Variants in RSU1 observed in about 807,000 individuals in gnomAD.
The protein encoded by RSU1 is Ras suppressor protein 1, also known as rsu-1.
A neutral mutation model predicts 31.1 loss-of-function variants in RSU1; 26 were observed. That is an observed-to-expected ratio of 0.84 (90% CI 0.61 to 1.16). The LOEUF (loss-of-function observed/expected upper bound fraction) is 1.16, where lower values mean the gene tolerates loss of function less well. RSU1 is among the 50% of genes most tolerant of loss of function. The pLI, the probability that RSU1 is intolerant of heterozygous loss-of-function variation, is 0.00. For synonymous variants in RSU1, 164 were observed against 136.3 expected (o/e 1.20, Z -1.41); for missense variants, 320 against 339.1 (o/e 0.94, Z 0.44).
chr10:16,807,799 G>C (rs1361837741), intron 2 of RSU1, among the ~76,000 whole-genome samples: 2 of 152,206 alleles, frequency 1.3e-5, no homozygotes, highest in Admixed American at 1.3e-4. Context: ...TGAGGCAGGC[G>C]GATCATGATG....
chr10:16,617,752 A>C (rs1251163801), intron 8 of RSU1, among the ~76,000 whole-genome samples: 2 of 152,236 alleles, frequency 1.3e-5, no homozygotes, highest in African/African-American at 2.4e-5. Flanking sequence ...CTATTTCATT[A>C]ATGGTGCTGT....
intron 2 of RSU1, among the ~76,000 whole-genome samples, chr10:16,788,503 C>T (rs970296492): frequency 5.3e-5 from 8 of 152,180 alleles, no homozygotes; most frequent in African/African-American, 1.9e-4. Context: ...AGAAGGTGGC[C>T]TTCCACAAAT....
intron 3 of RSU1, among the ~76,000 whole-genome samples, chr10:16,776,436 TTGTTA>T (rs760155181): frequency 3.9e-5 from 6 of 152,236 alleles, no homozygotes; most frequent in Non-Finnish European, 8.8e-5. Flanking sequence ...TATTTCTTGT[TTGTTA>T]TAATTCTAAA....
intron 2 of RSU1, among the ~76,000 whole-genome samples, chr10:16,788,541 T>C (rs1288513752): frequency 6.6e-6 from 1 of 152,176 alleles, no homozygotes; most frequent in Non-Finnish European, 1.5e-5. Context: ...CCGGACACAA[T>C]GCATCCGTCA....
At chr10:16,612,435 T>C (rs1303865090) in intron 8 of RSU1, among the ~76,000 whole-genome samples, 1 of 152,176 alleles carries the variant, frequency 6.6e-6, no homozygotes, top group African/African-American at 2.4e-5. Flanking sequence ...GTGCAAACTC[T>C]TTTTGCTCTG....
chr10:16,741,959 G>C (rs1463041348), intron 7 of RSU1, among the ~76,000 whole-genome samples: 1 of 152,116 alleles, frequency 6.6e-6, no homozygotes, highest in Non-Finnish European at 1.5e-5. Context: ...CATTTAACCA[G>C]TGCTCCCCAA....
chr10:16,651,261 T>C (rs1834679994), intron 8 of RSU1, among the ~76,000 whole-genome samples: 1 of 152,228 alleles, frequency 6.6e-6, no homozygotes, highest in African/African-American at 2.4e-5. Flanking sequence ...CTCTTGTTTC[T>C]AGGTTAAAAG....
intron 4 of RSU1, among the ~76,000 whole-genome samples, chr10:16,762,296 A>T (rs74228742): frequency 0.021 from 3,213 of 150,486 alleles, 88 homozygotes; most frequent in East Asian, 0.065. Flanking sequence ...TTGAGATTTT[A>T]TATATATATA....
At chr10:16,725,116 A>C (rs1024761495) in intron 7 of RSU1, among the ~76,000 whole-genome samples, 2 of 152,214 alleles carry the variant, frequency 1.3e-5, no homozygotes, top group Non-Finnish European at 2.9e-5. Context: ...TGGCATGTTG[A>C]TCATTCGCTG....
chr10:16,711,125 TAATTG>T (rs1303939178), intron 7 of RSU1, among the ~76,000 whole-genome samples: 2 of 152,220 alleles, frequency 1.3e-5, no homozygotes, highest in African/African-American at 4.8e-5. Context: ...AATTTCTTTA[TAATTG>T]AATCTCAGTA....
rs576760891 is a variant in RSU1, at chr10:16,758,824, G to A, written c.282-3835C>T. Among the ~76,000 whole-genome samples, 19 of 152,286 alleles carry A rather than the reference G, an allele frequency of 1.2e-4. No individual in the cohort carries two copies. In the South Asian group the frequency reaches 2.5e-3, roughly 20 times the overall value. ...TGGATAGTCTCAACTATCAAGTGTG[G>A]TTTTCTATTTGTGCCACACTTGGTT... On this transcript the variant is annotated intron_variant, in intron 4 of 8. Coordinates refer to ENST00000345264, the MANE Select transcript of RSU1 (RefSeq NM_012425.4).
At chr10:16,595,421 G>C (rs770749589) in intron 8 of RSU1, among the ~76,000 whole-genome samples, 1 of 152,186 alleles carries the variant, frequency 6.6e-6, no homozygotes, top group African/African-American at 2.4e-5. Flanking sequence ...TCACTCTCAC[G>C]GAGTGTAGAA....
In RSU1 at chr10:16,787,520, C is replaced by T. The variant is rs114879232; in HGVS notation, c.110-5436G>A. On this transcript the variant is annotated intron_variant, in intron 2 of 8. Coordinates refer to ENST00000345264, the MANE Select transcript of RSU1 (RefSeq NM_012425.4). ...CTGTCCCACTGATATGGTTAGGCTG[C>T]GTCCTCGCCCAAATCTCACCTTGAA... 7.3e-3 allele frequency among the ~76,000 whole-genome samples: 1,113 copies of T among 152,290 alleles called. 15 individuals are homozygous for T. The highest frequency in any genetic ancestry group is 0.023 in the African/African-American group (969 of 41,564).
intron 2 of RSU1, among the ~76,000 whole-genome samples, chr10:16,795,209 C>A (rs7920433): frequency 0.18 from 27,948 of 151,752 alleles, 2,627 homozygotes; most frequent in Middle Eastern, 0.22. Flanking sequence ...CAAAAATTAG[C>A]CAAGTGTGAT....
intron 7 of RSU1, among the ~76,000 whole-genome samples, chr10:16,724,975 T>C (rs1220831479): frequency 6.6e-6 from 1 of 152,188 alleles, no homozygotes; most frequent in African/African-American, 2.4e-5. Context: ...AAGTCAATGA[T>C]ATTAGAAGCT....
chr10:16,612,143 T>C (rs1833900944), intron 8 of RSU1, among the ~76,000 whole-genome samples: 1 of 152,222 alleles, frequency 6.6e-6, no homozygotes, highest in Non-Finnish European at 1.5e-5. Context: ...GGGTTGTCCA[T>C]TCAAATGTGG....
At chr10:16,772,959 C>T (rs1420051410) in intron 3 of RSU1, among the ~76,000 whole-genome samples, 1 of 152,144 alleles carries the variant, frequency 6.6e-6, no homozygotes, top group South Asian at 2.1e-4. Context: ...GTAATCCCAG[C>T]ACTTTGAGAG....
intron 8 of RSU1, among the ~76,000 whole-genome samples, chr10:16,601,548 T>A (rs1023741091): frequency 8.5e-5 from 13 of 152,338 alleles, no homozygotes; most frequent in African/African-American, 2.9e-4. Flanking sequence ...TCAAATATTA[T>A]AATGGTTCCC....
At chr10:16,637,048 T>C (rs894997466) in intron 8 of RSU1, among the ~76,000 whole-genome samples, 1 of 152,240 alleles carries the variant, frequency 6.6e-6, no homozygotes, top group Non-Finnish European at 1.5e-5. Flanking sequence ...TATGCTTGTA[T>C]TGAGTGGAAC....
Sources: allele counts gnomAD v4.1 joint callset (sites outside exome capture counted in the v4.1 genomes callset), GRCh38; gene constraint gnomAD v4.1.1; transcripts MANE v1.5; gene names NCBI Gene and HGNC (gene_info 2026-07-23, HGNC 2026-07-21).